Variants in SLC43A1 observed in about 807,000 individuals in gnomAD.
SLC43A1 encodes the protein solute carrier family 43 member 1.
SLC43A1 carries 31 observed loss-of-function variants against 59.5 expected under a neutral mutation model. The observed-to-expected ratio is 0.52, with a 90% confidence interval of 0.39 to 0.70. The LOEUF (loss-of-function observed/expected upper bound fraction) is 0.70. Ranked by LOEUF, SLC43A1 falls within the 30% of genes least tolerant of loss-of-function variation. The probability of loss-of-function intolerance (pLI) is 0.00; values close to 1 mark genes in which losing one functional copy is unlikely to be tolerated. For synonymous variants in SLC43A1, 259 were observed against 290.9 expected (o/e 0.89, Z 1.12); for missense variants, 598 against 717.8 (o/e 0.83, Z 1.91).
At chr11:57,504,783 G>A (rs1429262875) in intron 2 of SLC43A1, among the ~76,000 whole-genome samples, 1 of 152,218 alleles carries the variant, frequency 6.6e-6, no homozygotes, top group Non-Finnish European at 1.5e-5. Context: ...TCCACTAACG[G>A]AGAATCCATT....
At position 57,494,041 on chromosome 11, in the gene SLC43A1, A is replaced by T. The variant is rs746889548; in HGVS notation, c.823T>A (p.Phe275Ile). The change falls in exon 8 of 15, where the codon TTC (phenylalanine) becomes ATC (isoleucine). Residue 275 changes from phenylalanine (F) to isoleucine (I), a missense_variant. Transcript: ENST00000278426. The stretch of plus-strand genomic sequence containing the variant: ...CCCCGAACATCCTGGGGTGACATGA[A>T]GGCATCCGAACCGTCCTCCAGGCTG... ...APSLEDGSDA[F>I]MSPQDVRGTS... is the part of the protein sequence containing the mutation. 6.2e-7 allele frequency: 1 copy of T among 1,607,704 alleles called. No individual in the cohort carries two copies.
intron 5 of SLC43A1, among the ~76,000 whole-genome samples, chr11:57,499,068 A>T (rs1033408507): frequency 2.6e-5 from 4 of 152,130 alleles, no homozygotes; most frequent in Non-Finnish European, 5.9e-5. Context: ...CACACCTGTA[A>T]TCCCAGCACT....
At chr11:57,486,939 G>A (rs946916228) in intron 14 of SLC43A1, among the ~76,000 whole-genome samples, 156 bp downstream of exon 14, 1 of 152,220 alleles carries the variant, frequency 6.6e-6, no homozygotes, top group Admixed American at 6.5e-5. Flanking sequence ...CACTCCGTGA[G>A]GGGTTCTAAA....
At chr11:57,494,436 C>A in intron 7 of SLC43A1, 1 of 463,934 alleles carries the variant, frequency 2.2e-6, no homozygotes. Context: ...ATTAACACCT[C>A]AGACTCCAGA....
At chr11:57,491,182 G>A (rs1943885232) in intron 11 of SLC43A1, 42 bp downstream of exon 11, 1 of 1,491,802 alleles carries the variant, frequency 6.7e-7, no homozygotes, top group East Asian at 2.4e-5. Context: ...GAAAAGCACT[G>A]CCTGACCACT....
At position 57,491,756 on chromosome 11, in the gene SLC43A1, GT is replaced by G; in HGVS notation, c.977del (p.Asn326ThrfsTer8). ...LRIIFYMAAV[N>X]KMLEYLVTGG... is the part of the protein sequence containing the mutation. Reference sequence around the variant, plus strand: ...CAGTCACAAGGTACTCCAGCATCTTGTTCACAGCAGCCATGTAGAAGATGAT... The same window carrying G: ...CAGTCACAAGGTACTCCAGCATCTTGTCACAGCAGCCATGTAGAAGATGAT... On this transcript the variant is annotated frameshift_variant, in exon 9 of 15. Coordinates refer to ENST00000278426, the MANE Select transcript of SLC43A1 (RefSeq NM_003627.6). LOFTEE classifies it high-confidence loss of function. 1 of 1,614,252 alleles carries G rather than the reference GT, an allele frequency of 6.2e-7. No homozygotes were observed. The highest frequency in any genetic ancestry group is 8.5e-7 in the Non-Finnish European group (1 of 1,180,044).
chr11:57,512,199 A>C (rs1392239941), intron 2 of SLC43A1, among the ~76,000 whole-genome samples: 1 of 152,154 alleles, frequency 6.6e-6, no homozygotes, highest in Non-Finnish European at 1.5e-5. Context: ...TGAGGCATAT[A>C]AATTTGTCAG....
intron 6 of SLC43A1, among the ~76,000 whole-genome samples, chr11:57,496,671 G>A (rs950948946): frequency 2.0e-5 from 3 of 152,132 alleles, no homozygotes; most frequent in Non-Finnish European, 4.4e-5. Flanking sequence ...GTCCTCCCAC[G>A]TGCAACAACT....
rs905694600 is a variant in SLC43A1, at chr11:57,496,153, A to T, written c.570T>A (p.Asp190Glu). 26 of 1,613,990 alleles carry T rather than the reference A, an allele frequency of 1.6e-5. No individual in the cohort carries two copies. The highest frequency in any genetic ancestry group is 2.1e-5 in the Non-Finnish European group (25 of 1,179,996). Residue 190 changes from aspartate to glutamate, a missense_variant, in exon 7 of 15, where the codon GAT becomes GAA. Asp to Glu is a conservative substitution (Grantham distance 45). Transcript: ENST00000278426. Reference protein sequence around the residue: ...ITFPGIKLIYDAGVAFVVIMF... With the variant: ...ITFPGIKLIYEAGVAFVVIMF... Reference sequence around the variant, plus strand: ...TGATGACCACGAAGGCCACACCGGCATCGTAGATCAGCTGTGAGAGGAGGG... The same window carrying T: ...TGATGACCACGAAGGCCACACCGGCTTCGTAGATCAGCTGTGAGAGGAGGG...
At position 57,488,498 on chromosome 11, in the gene SLC43A1, A is replaced by T. The variant is rs572648596; in HGVS notation, c.1409+418T>A. On this transcript the variant is annotated intron_variant, in intron 13 of 14. Transcript: ENST00000278426. ...GTCATCATTATTGTAATGTCCTGTT[A>T]CTCCATCACATACACAGGGGAGAGT... is the stretch of plus-strand genomic sequence containing the variant. Among the ~76,000 whole-genome samples the T allele has an allele frequency of 4.3e-4, 65 of 152,258 alleles. 1 individual carries two copies. Among genetic ancestry groups the T allele is most frequent in the Non-Finnish European group, 7.9e-4 (54 of 68,020 alleles).
chr11:57,491,468 C>T (rs1273030192), intron 10 of SLC43A1, 106 bp from the exon 11 acceptor site: 10 of 1,565,510 alleles, frequency 6.4e-6, no homozygotes, highest in African/African-American at 1.4e-5. Context: ...TCCTCTGAAC[C>T]CAGACTCTTA....
At chr11:57,511,360 T>C (rs1362503998) in intron 2 of SLC43A1, among the ~76,000 whole-genome samples, 1 of 151,188 alleles carries the variant, frequency 6.6e-6, no homozygotes, top group Non-Finnish European at 1.5e-5. Flanking sequence ...CCCAGGAGGT[T>C]GAAGCTGCAG....
At chr11:57,489,698 A>T (rs1230137897) in intron 11 of SLC43A1, among the ~76,000 whole-genome samples, 1 of 152,198 alleles carries the variant, frequency 6.6e-6, no homozygotes, top group Non-Finnish European at 1.5e-5. Context: ...TTGGACAAAT[A>T]TCCCCCACTA....
Position 57,488,915 on chromosome 11 carries a change from C to G in SLC43A1, c.1409+1G>C, listed in dbSNP as rs1943819289. On this transcript the variant is annotated splice_donor_variant, in intron 13 of 14. Transcript: ENST00000278426. LOFTEE classifies it high-confidence loss of function. ...AAGGCATTTCAGCCCAACAGACTCA[C>G]ACTGCAGCATAGAGACTCCCACAGG... is the stretch of plus-strand genomic sequence containing the variant. 6.2e-7 allele frequency: 1 copy of G among 1,613,304 alleles called. No individual in the cohort carries two copies. The highest frequency in any genetic ancestry group is 1.1e-5 in the South Asian group (1 of 91,072).
chr11:57,501,123 TCCC>T, intron 3 of SLC43A1, 26 bp downstream of exon 3: 7 of 1,605,316 alleles, frequency 4.4e-6, no homozygotes, highest in Non-Finnish European at 6.0e-6. Context: ...GTCCCTGTCC[TCCC>T]GTTCCCCATA....
intron 2 of SLC43A1, among the ~76,000 whole-genome samples, chr11:57,502,321 C>T (rs1944287395): frequency 6.6e-6 from 1 of 152,242 alleles, no homozygotes; most frequent in Non-Finnish European, 1.5e-5. Context: ...TGCACCTTGA[C>T]CAAGTAACTT....
Position 57,501,293 on chromosome 11 carries a change from C to A in SLC43A1, c.191G>T (p.Arg64Leu). 1 of 1,611,350 alleles carries A rather than the reference C, an allele frequency of 6.2e-7. No homozygotes were observed. Among genetic ancestry groups the A allele is most frequent in the Non-Finnish European group, 8.5e-7 (1 of 1,180,008 alleles). Reference protein sequence around the residue: ...SSTNTTQDEQRRWPGCDQQDE... With the variant: ...SSTNTTQDEQLRWPGCDQQDE... The stretch of plus-strand genomic sequence containing the variant: ...CTGCTGGTCACAGCCTGGCCACCTG[C>A]GCTGCTCATCCTGGGTGGTGTTGGT... The change falls in exon 3 of 15, where the codon CGC becomes CTC. Residue 64 changes from arginine to leucine, a missense_variant. Physicochemically the swap from Arg to Leu is moderately radical, Grantham distance 102. Coordinates refer to ENST00000278426, the MANE Select transcript of SLC43A1 (RefSeq NM_003627.6).
chr11:57,486,200 T>G (rs1233635919), intron 14 of SLC43A1, among the ~76,000 whole-genome samples: 1 of 152,136 alleles, frequency 6.6e-6, no homozygotes, highest in Admixed American at 6.5e-5. Flanking sequence ...AACAGACTCC[T>G]AGGAGGTCAG....
rs893912736 is a variant in SLC43A1 at position 57,515,466 on chromosome 11, A to T, written c.-36T>A. 2 of 152,242 alleles carry T rather than the reference A, an allele frequency of 1.3e-5. No individual in the cohort carries two copies. Among genetic ancestry groups the T allele is most frequent in the Admixed American group, 6.5e-5 (1 of 15,292 alleles). 9.4% of individuals were successfully genotyped at this position (152,242 alleles called of 1,614,324 possible). ...CACCTCCGGTCACCGGCAAATGAGC[A>T]GCCAGCAGCTGCGGACGCCTCCGGG... On this transcript the variant is annotated 5_prime_UTR_variant, in exon 1 of 15. Coordinates refer to ENST00000278426, the MANE Select transcript of SLC43A1 (RefSeq NM_003627.6). The surrounding 1 kb of genome is among the most constrained non-coding windows in gnomAD (Gnocchi z 5.3).
Sources: gnomAD v4.1 joint callset for allele counts (sites outside exome capture counted in the v4.1 genomes callset) on GRCh38, gnomAD v4.1.1 for gene constraint, Gnocchi (gnomAD v3.1) non-coding constraint, MANE v1.5 for transcripts, NCBI Gene and HGNC (gene_info 2026-07-23, HGNC 2026-07-21) for gene names.